The following GAK variants were observed in gnomAD, a reference collection of about 807,000 sequenced individuals.
GAK encodes cyclin G associated kinase, also known as cyclin-G-associated kinase.
Under a neutral mutation model 143.9 loss-of-function variants are expected in GAK, and 79 were observed. The ratio of observed to expected loss-of-function variants is 0.55; its 90% confidence interval spans 0.46 to 0.66. The LOEUF (loss-of-function observed/expected upper bound fraction) is 0.66, where lower values mean the gene tolerates loss of function less well. Among genes scored for constraint, GAK ranks in the 30% least tolerant of loss-of-function variants. The pLI, the probability that GAK is intolerant of heterozygous loss-of-function variation, is 0.00. For synonymous variants in GAK, 881 were observed against 765.5 expected (o/e 1.15, Z -2.49); for missense variants, 1,693 against 1,779.7 (o/e 0.95, Z 0.88).
At position 870,908 on chromosome 4, in the gene GAK, C is replaced by T. The variant is rs770029383; in HGVS notation, c.2055-4G>A. The T allele has an allele frequency of 1.6e-5, 26 of 1,606,848 alleles. No individual in the cohort carries two copies. Among genetic ancestry groups the T allele is most frequent in the Admixed American group, 3.4e-5 (2 of 58,746 alleles). On this transcript the variant is annotated splice_region_variant and splice_polypyrimidine_tract_variant and intron_variant, in intron 18 of 27. Coordinates refer to ENST00000314167, the MANE Select transcript of GAK (RefSeq NM_005255.4). ...GTCACACGCGTCCAGGTCATACCTGCGGTTACAAGTAGACACCACTTAGGA... is the reference window on the plus strand; with the variant it reads ...GTCACACGCGTCCAGGTCATACCTGTGGTTACAAGTAGACACCACTTAGGA...
Position 893,453 on chromosome 4 carries a change from G to T in GAK, c.914C>A (p.Ser305Tyr). Residue 305 changes from serine to tyrosine, a missense_variant, in exon 9 of 28, where the codon TCC becomes TAC. Ser to Tyr is a moderately radical substitution (Grantham distance 144). Coordinates refer to ENST00000314167, the MANE Select transcript of GAK (RefSeq NM_005255.4). ...CAGCTGGTGCACCACCTCGGCGATGGACAGCCGCTCCTCCGGGTTCACCTG... is the reference window on the plus strand; with the variant it reads ...CAGCTGGTGCACCACCTCGGCGATGTACAGCCGCTCCTCCGGGTTCACCTG... Reference protein sequence around the residue: ...MLQVNPEERLSIAEVVHQLQE... With the variant: ...MLQVNPEERLYIAEVVHQLQE... 6.3e-7 allele frequency: 1 copy of T among 1,591,472 alleles called. No individual in the cohort carries two copies. Among genetic ancestry groups the T allele is most frequent in the Non-Finnish European group, 8.5e-7 (1 of 1,170,212 alleles).
At chr4:911,964 C>A in intron 3 of GAK, 177 bp from the exon 4 acceptor site, 1 of 536,884 alleles carries the variant, frequency 1.9e-6, no homozygotes, top group South Asian at 1.7e-5. Context: ...GAGAGAAAGG[C>A]AGACAGAGGC....
chr4:865,078 G>T, intron 23 of GAK, 44 bp downstream of exon 23: 1 of 1,560,538 alleles, frequency 6.4e-7, no homozygotes, highest in Non-Finnish European at 8.7e-7. Context: ...GGCCACAGCA[G>T]CTGCACGTCT....
intron 27 of GAK, 59 bp from the exon 28 acceptor site, chr4:849,833 G>GGGGGGGCCCCCCCCCCCCCC: frequency 8.4e-7 from 1 of 1,190,154 alleles, no homozygotes; most frequent in Non-Finnish European, 1.2e-6. Context: ...GGCGGGGCAG[G>GGGGGGGCCCCCCCCCCCCCC]ACCCCCCCCC....
chr4:856,351 A>AC (rs1749178149), intron 24 of GAK, among the ~76,000 whole-genome samples: 3 of 128,616 alleles, frequency 2.3e-5, no homozygotes, highest in Non-Finnish European at 4.7e-5. Context: ...ACACCTGCTC[A>AC]CACCTGCTCA....
chr4:854,464 C>G (rs952937214), intron 24 of GAK, among the ~76,000 whole-genome samples: 18 of 152,174 alleles, frequency 1.2e-4, no homozygotes, highest in Admixed American at 5.9e-4. Context: ...CTCTGCCCAG[C>G]CCCAGGCCAC....
At chr4:863,617 A>T (rs555248226) in intron 23 of GAK, among the ~76,000 whole-genome samples, 2 of 152,230 alleles carry the variant, frequency 1.3e-5, no homozygotes, top group South Asian at 2.1e-4. Context: ...AGCCATCCAC[A>T]TTGAGGCAAG....
intron 5 of GAK, among the ~76,000 whole-genome samples, chr4:902,601 A>AAAAAAAAAAAAC (rs1553889032): frequency 7.1e-6 from 1 of 141,790 alleles, no homozygotes; most frequent in Non-Finnish European, 1.6e-5. Context: ...TGACTCAAAA[A>AAAAAAAAAAAAC]AAAAAAAAAA....
intron 1 of GAK, among the ~76,000 whole-genome samples, chr4:924,249 C>A (rs1359111555): frequency 6.7e-6 from 1 of 150,034 alleles, no homozygotes; most frequent in East Asian, 2.0e-4. Context: ...ATGAGATCGA[C>A]ACCACTGCAC....
intron 24 of GAK, among the ~76,000 whole-genome samples, chr4:857,933 C>G (rs927981190): frequency 3.3e-5 from 5 of 152,164 alleles, no homozygotes; most frequent in Non-Finnish European, 7.4e-5. Context: ...CTGGGCTTTC[C>G]TAGGCTGCAC....
intron 6 of GAK, among the ~76,000 whole-genome samples, chr4:896,815 C>T (rs1016246253): frequency 2.6e-5 from 4 of 152,260 alleles, no homozygotes; most frequent in South Asian, 4.1e-4. Flanking sequence ...CATGGCATGT[C>T]GGCACCGACG....
At position 867,435 on chromosome 4, in the gene GAK, GCGAA is replaced by G. The variant is rs1560308679; in HGVS notation, c.2396-7_2396-4del. 1.3e-6 allele frequency: 2 copies of G among 1,513,800 alleles called. No homozygotes were observed. Among genetic ancestry groups the G allele is most frequent in the South Asian group, 2.7e-5 (2 of 75,388 alleles). 93.8% of individuals were successfully genotyped at this position (1,513,800 alleles called of 1,614,324 possible). A position where few individuals can be genotyped will look rare whatever the true frequency, so the allele number is the denominator to read the frequency against. On this transcript the variant is annotated splice_polypyrimidine_tract_variant and splice_region_variant and intron_variant, in intron 20 of 27. Coordinates refer to ENST00000314167, the MANE Select transcript of GAK (RefSeq NM_005255.4). Reference sequence around the variant, plus strand: ...ACCAGTCTCTGCCTCCTTCTCTTCTGCGAAAAGGAAACAAAACCACAGGCTAGTG... The same window carrying G: ...ACCAGTCTCTGCCTCCTTCTCTTCTGAAGGAAACAAAACCACAGGCTAGTG...
intron 18 of GAK, among the ~76,000 whole-genome samples, chr4:874,018 T>C (rs1311375115): frequency 6.6e-6 from 1 of 152,208 alleles, no homozygotes; most frequent in Admixed American, 6.5e-5. Context: ...GTTCCATTTT[T>C]CTTCTTGATT....
chr4:856,390 CCTG>C lies in GAK; in HGVS notation c.3283+3213_3283+3215del, dbSNP rs1442912370. Among the ~76,000 whole-genome samples, 7 of 77,932 alleles carry C rather than the reference CCTG, an allele frequency of 9.0e-5. No individual in the cohort carries two copies. In the South Asian group the frequency reaches 2.8e-3, roughly 31 times the overall value. 51.1% of individuals were successfully genotyped at this position (77,932 alleles called of 152,430 possible). ...CAGCTGCTCACCACAGCTGCTCACA[CCTG>C]CTCACCACCACAGCTGCTCACCACA... On this transcript the variant is annotated intron_variant, in intron 24 of 27. Transcript: ENST00000314167.
intron 1 of GAK, among the ~76,000 whole-genome samples, chr4:925,618 T>C (rs1376578129): frequency 2.0e-5 from 3 of 152,172 alleles, no homozygotes; most frequent in Admixed American, 2.0e-4. Context: ...CCCAAGGTGA[T>C]GGTGTTAGGA....
At chr4:920,104 C>T (rs1723672794) in intron 1 of GAK, among the ~76,000 whole-genome samples, 1 of 152,038 alleles carries the variant, frequency 6.6e-6, no homozygotes, top group South Asian at 2.1e-4. Context: ...AAGGTGAGAT[C>T]GAGACCATCC....
chr4:859,715 G>T lies in GAK; in HGVS notation c.3174C>A (p.Leu1058=), dbSNP rs199816854. The change falls in exon 24 of 28, where the codon CTC becomes CTA. Residue 1058 remains leucine (L), a synonymous_variant. Transcript: ENST00000314167. The part of the protein sequence containing the change: ...VAPTPATEGP[L]FSPGGQPAPC... ...GGGCCGGCTGACCTCCAGGAGAGAA[G>T]AGGGGGCCTGGAGAAGGGGCACAGG... The T allele has an allele frequency of 9.4e-6, 15 of 1,589,970 alleles. No homozygotes were observed. The East Asian group carries it at 3.4e-4, about 36-fold the overall frequency.
chr4:854,461 C>A (rs1287866906), intron 24 of GAK, among the ~76,000 whole-genome samples: 1 of 152,166 alleles, frequency 6.6e-6, no homozygotes, highest in East Asian at 1.9e-4. Context: ...GAACTCTGCC[C>A]AGCCCCAGGC....
chr4:894,058 TGAC>T (rs749882454), intron 7 of GAK, 49 bp from the exon 8 acceptor site: 1 of 1,485,468 alleles, frequency 6.7e-7, no homozygotes, highest in East Asian at 2.5e-5. Flanking sequence ...AGCGCAGGGG[TGAC>T]GCCTGGGCCT....
Sources: gnomAD v4.1 joint callset for allele counts (sites outside exome capture counted in the v4.1 genomes callset) on GRCh38, gnomAD v4.1.1 for gene constraint, MANE v1.5 for transcripts, NCBI Gene and HGNC (gene_info 2026-07-23, HGNC 2026-07-21) for gene names.